The following SYNE1 variants were observed in gnomAD, a reference collection of about 807,000 sequenced individuals.
SYNE1 encodes the protein spectrin repeat containing nuclear envelope protein 1, also known as nesprin-1.
SYNE1 carries 616 observed loss-of-function variants against 1,111.0 expected under a neutral mutation model. The ratio of observed to expected loss-of-function variants is 0.55; its 90% confidence interval spans 0.52 to 0.59. The LOEUF (loss-of-function observed/expected upper bound fraction) is 0.59, where lower values mean the gene tolerates loss of function less well. Ranked by LOEUF, SYNE1 falls within the 20% of genes least tolerant of loss-of-function variation. SYNE1 has a pLI of 0.00. For synonymous variants in SYNE1, 3,855 were observed against 3,825.8 expected (o/e 1.01, Z -0.28); for missense variants, 10,006 against 10,417.0 (o/e 0.96, Z 1.72).
intron 121 of SYNE1, among the ~76,000 whole-genome samples, chr6:152,217,516 T>G (rs1343370651): frequency 1.3e-5 from 2 of 152,078 alleles, no homozygotes; most frequent in African/African-American, 2.4e-5. Context: ...ATCAAGCTAA[T>G]TAAGTAAAAC....
At position 152,413,476 on chromosome 6, in the gene SYNE1, A is replaced by G. The variant is rs1335169741; in HGVS notation, c.6106T>C (p.Cys2036Arg). Residue 2036 changes from cysteine to arginine, a missense_variant, in exon 42 of 146, where the codon TGT becomes CGT. Cys to Arg is a radical substitution (Grantham distance 180, BLOSUM62 -3). Coordinates refer to ENST00000367255, the MANE Select transcript of SYNE1 (RefSeq NM_182961.4). Reference sequence around the variant, plus strand: ...TGCTTGGCTTTGTCTTTCAACCAACATAGTTCATGCTCGTGAGAATTCAAT... The same window carrying G: ...TGCTTGGCTTTGTCTTTCAACCAACGTAGTTCATGCTCGTGAGAATTCAAT... Reference protein sequence around the residue: ...DELNSHEHELCWLKDKAKQIA... With the variant: ...DELNSHEHELRWLKDKAKQIA... 1 of 1,614,064 alleles carries G rather than the reference A, an allele frequency of 6.2e-7. No individual in the cohort carries two copies. The highest frequency in any genetic ancestry group is 1.3e-5 in the African/African-American group (1 of 74,934).
chr6:152,139,025 CTTCA>C (rs1263104142), intron 140 of SYNE1, among the ~76,000 whole-genome samples: 1 of 152,082 alleles, frequency 6.6e-6, no homozygotes, highest in African/African-American at 2.4e-5. Context: ...GGTCAAATAA[CTTCA>C]TTATGTCCCC....
intron 142 of SYNE1, chr6:152,134,690 C>T (rs774201865): frequency 4.6e-4 from 99 of 214,780 alleles, no homozygotes; most frequent in Middle Eastern, 4.1e-3. Flanking sequence ...CAAAAAACAA[C>T]GACAACAAAA....
chr6:152,526,214 T>C, intron 4 of SYNE1, 39 bp from the exon 5 acceptor site: 1 of 1,572,356 alleles, frequency 6.4e-7, no homozygotes, highest in South Asian at 1.1e-5. Flanking sequence ...AAAATATCTC[T>C]TCCCTCTCTG....
intron 56 of SYNE1, among the ~76,000 whole-genome samples, chr6:152,377,326 A>C (rs1236297836): frequency 2.0e-5 from 3 of 151,950 alleles, no homozygotes; most frequent in Non-Finnish European, 2.9e-5. Flanking sequence ...ATATATATTA[A>C]GGGCCGGGTG....
intron 34 of SYNE1, among the ~76,000 whole-genome samples, chr6:152,431,433 G>C (rs1332470314): frequency 6.6e-6 from 1 of 152,148 alleles, no homozygotes; most frequent in Non-Finnish European, 1.5e-5. Flanking sequence ...TTTCAACTGG[G>C]GGAAGAAAGG....
At chr6:152,147,341 GATAC>G (rs762099947) in intron 137 of SYNE1, 1 of 152,194 alleles carries the variant, frequency 6.6e-6, no homozygotes, top group African/African-American at 2.4e-5. Flanking sequence ...TATCCAGAAA[GATAC>G]AATATGAAAA....
At chr6:152,122,705 A>G (rs777481778) in intron 145 of SYNE1, 29 bp from the exon 146 acceptor site, 1 of 1,613,270 alleles carries the variant, frequency 6.2e-7, no homozygotes, top group South Asian at 1.1e-5. Flanking sequence ...TAAATTACTC[A>G]GATAACTCCA....
intron 87 of SYNE1, chr6:152,315,621 C>G (rs114043306): frequency 6.6e-6 from 1 of 152,180 alleles, no homozygotes; most frequent in Non-Finnish European, 1.5e-5. Flanking sequence ...TTGAAAGAAA[C>G]AGTATGAATG....
At chr6:152,228,661 C>T in intron 115 of SYNE1, among the ~76,000 whole-genome samples, 1 of 152,278 alleles carries the variant, frequency 6.6e-6, no homozygotes, top group Admixed American at 6.5e-5. Flanking sequence ...ACCAGAAGGT[C>T]CTCACTTTGC....
Position 152,455,585 on chromosome 6 carries a change from C to T in SYNE1, c.2733G>A (p.Met911Ile). Residue 911 changes from methionine to isoleucine, a missense_variant, in exon 24 of 146, where the codon ATG becomes ATA. Coordinates refer to ENST00000367255, the MANE Select transcript of SYNE1 (RefSeq NM_182961.4). ...TCTTCCAATCTCCAGTTTTCTTTAC[C>T]ATACTCTTGATGTGAAAAACAATCA... ...IADIHVAFQS[M>I]VKKTGDWKKH... 6.2e-7 allele frequency: 1 copy of T among 1,614,146 alleles called. No homozygotes were observed. The highest frequency in any genetic ancestry group is 1.7e-5 in the Admixed American group (1 of 60,020).
intron 10 of SYNE1, among the ~76,000 whole-genome samples, chr6:152,500,284 A>T (rs1308001195): frequency 1.3e-5 from 2 of 152,192 alleles, no homozygotes. Context: ...AGATGACTCC[A>T]AAATATTTGC....
intron 47 of SYNE1, among the ~76,000 whole-genome samples, chr6:152,400,608 G>A (rs112224241): frequency 7.2e-5 from 11 of 152,228 alleles, no homozygotes; most frequent in African/African-American, 2.2e-4. Flanking sequence ...GTTGCAGTGA[G>A]CCCAGATTGT....
At chr6:152,605,006 AAGAGAGAGAGAGAG>A (rs1166561188) in intron 3 of SYNE1, among the ~76,000 whole-genome samples, 1 of 25,590 alleles carries the variant, frequency 3.9e-5, no homozygotes, top group African/African-American at 1.9e-4. Context: ...GAAAGAAAGA[AAGAGAGAGAGAGAG>A]AGAGAGAGAG....
intron 140 of SYNE1, among the ~76,000 whole-genome samples, chr6:152,138,667 C>T (rs1183832110): frequency 2.0e-5 from 3 of 152,088 alleles, no homozygotes; most frequent in Non-Finnish European, 2.9e-5. Context: ...CACTTCATTC[C>T]TTATCCTGAC....
intron 87 of SYNE1, among the ~76,000 whole-genome samples, chr6:152,314,040 T>C (rs927465886): frequency 1.8e-4 from 28 of 152,338 alleles, no homozygotes; most frequent in South Asian, 2.1e-4. Context: ...TAGTATCTCT[T>C]GACTTTGTCT....
At chr6:152,494,123 C>A (rs1367031313) in intron 11 of SYNE1, among the ~76,000 whole-genome samples, 1 of 152,190 alleles carries the variant, frequency 6.6e-6, no homozygotes, top group Non-Finnish European at 1.5e-5. Context: ...TGTCTGTATG[C>A]AGTGACAGCC....
At position 152,215,110 on chromosome 6, in the gene SYNE1, A is replaced by G. The variant is rs771670336; in HGVS notation, c.22192-50T>C. On this transcript the variant is annotated intron_variant, in intron 121 of 145. Coordinates refer to ENST00000367255, the MANE Select transcript of SYNE1 (RefSeq NM_182961.4). ...TTTAGCACCATGGTCAAAAAAGTCAAAACTTTTTCAAAGTGCGCAGTGAAT... is the reference window on the plus strand; with the variant it reads ...TTTAGCACCATGGTCAAAAAAGTCAGAACTTTTTCAAAGTGCGCAGTGAAT... 5.6e-6 allele frequency: 9 copies of G among 1,604,452 alleles called. No individual in the cohort carries two copies. In the Admixed American group the frequency reaches 1.5e-4, roughly 27 times the overall value.
At chr6:152,434,113 A>G (rs1476089768) in intron 33 of SYNE1, 168 bp from the exon 34 acceptor site, 2 of 638,454 alleles carry the variant, frequency 3.1e-6, no homozygotes, top group African/African-American at 3.7e-5. Flanking sequence ...TGAGTAGTTT[A>G]TCAGGTTTTC....
Sources: allele counts gnomAD v4.1 joint callset (sites outside exome capture counted in the v4.1 genomes callset), GRCh38; gene constraint gnomAD v4.1.1; transcripts MANE v1.5; gene names NCBI Gene and HGNC (gene_info 2026-07-23, HGNC 2026-07-21).